STYXL2: variants seen among roughly 807,000 people sequenced by gnomAD.
STYXL2 encodes serine/threonine/tyrosine-interacting-like protein 2.
In STYXL2, 44 loss-of-function variants were observed where a neutral mutation model predicts 52.4. The ratio of observed to expected loss-of-function variants is 0.84; its 90% CI spans 0.66 to 1.08. The LOEUF (loss-of-function observed/expected upper bound fraction) is 1.08, where lower values mean the gene tolerates loss of function less well. Ranked by LOEUF, STYXL2 falls within the 50% of genes least tolerant of loss-of-function variation. The pLI, the probability that STYXL2 is intolerant of heterozygous loss-of-function variation, is 0.00. For synonymous variants in STYXL2, 604 were observed against 586.9 expected, an observed-to-expected ratio of 1.03 and a Z score of -0.42; for missense variants, 1,604 against 1,471.7, an observed-to-expected ratio of 1.09 and a Z score of -1.47.
Position 167,127,534 on chromosome 1 carries a change from C to A in STYXL2, c.2403C>A (p.Cys801Ter). Residue 801 changes from cysteine (C) to a stop codon, truncating the protein, a stop_gained, in exon 6 of 6, where the codon TGC becomes TGA. Transcript: ENST00000361200. LOFTEE classifies it high-confidence loss of function. ...PSSDMQSVLS[C>*]NTTLSSPAES... ...CTGACATGCAGTCTGTGCTGTCCTG[C>A]AACACCACACTGAGCTCACCCGCGG... The A allele has an allele frequency of 6.2e-7, 1 of 1,614,098 alleles. No homozygotes were observed. Among genetic ancestry groups the A allele is most frequent in the Non-Finnish European group, 8.5e-7 (1 of 1,180,002 alleles).
Position 167,126,726 on chromosome 1 carries a change from ACTT to A in STYXL2, c.1598_1600del (p.Phe533del), listed in dbSNP as rs774314282. On this transcript the variant is annotated inframe_deletion, in exon 6 of 6. Transcript: ENST00000361200. ...GGCTCTGAGGCCAGTTCCTTCTACA[ACTT>A]CTGCAGCAGGAACAAGGACAAGCTC... 21 of 1,614,038 alleles carry A rather than the reference ACTT, an allele frequency of 1.3e-5. No individual in the cohort carries two copies. In the African/African-American group the frequency reaches 2.3e-4, roughly 17 times the overall value.
chr1:167,106,292 C>T (rs552757109), intron 2 of STYXL2, among the ~76,000 whole-genome samples: 68 of 152,222 alleles, frequency 4.5e-4, no homozygotes, highest in African/African-American at 1.5e-3. Flanking sequence ...CAGGTAAGGG[C>T]GCCTCCTGTG....
At chr1:167,111,507 TATATATAC>T (rs1231070854) in intron 2 of STYXL2, among the ~76,000 whole-genome samples, 6 of 49,942 alleles carry the variant, frequency 1.2e-4, no homozygotes, top group African/African-American at 9.5e-4. Context: ...TATATATATA[TATATATAC>T]ACACACACAC....
chr1:167,128,140 C>T lies in STYXL2; in HGVS notation c.3009C>T (p.Ser1003=). The change falls in exon 6 of 6, where the codon AGC becomes AGT. Residue 1003 remains serine (S), a synonymous_variant. Transcript: ENST00000361200. ...YHEANGNSVR[S]TSRFSSSSTR... ...AGGCAAATGGCAACTCTGTAAGAAGCACTTCACGGTTCTCATCTTCCTCCA... is the reference window on the plus strand; with the variant it reads ...AGGCAAATGGCAACTCTGTAAGAAGTACTTCACGGTTCTCATCTTCCTCCA... The T allele has an allele frequency of 6.2e-7, 1 of 1,614,198 alleles. No individual in the cohort carries two copies. The highest frequency in any genetic ancestry group is 1.1e-5 in the South Asian group (1 of 91,082).
At chr1:167,099,732 A>G (rs1667362978) in intron 2 of STYXL2, among the ~76,000 whole-genome samples, 1 of 152,244 alleles carries the variant, frequency 6.6e-6, no homozygotes, top group South Asian at 2.1e-4. Context: ...CTAAAGCTAA[A>G]CATATGGTTG....
intron 2 of STYXL2, among the ~76,000 whole-genome samples, chr1:167,105,755 CT>C (rs1402279425): frequency 1.1e-4 from 17 of 152,344 alleles, no homozygotes; most frequent in East Asian, 3.9e-4. Context: ...ACATCTCCCC[CT>C]CATGGCGGCT....
intron 4 of STYXL2, among the ~76,000 whole-genome samples, chr1:167,117,924 C>G (rs925278358): frequency 6.6e-6 from 1 of 152,176 alleles, no homozygotes; most frequent in African/African-American, 2.4e-5. Flanking sequence ...TACTGACATG[C>G]ATATGTAATT....
chr1:167,110,106 G>A (rs4656521), intron 2 of STYXL2, among the ~76,000 whole-genome samples: 68,732 of 151,904 alleles, frequency 0.45, 17,612 homozygotes, highest in East Asian at 0.89. Context: ...CTGGGTGGCT[G>A]GACCCAGAAG....
At chr1:167,123,783 C>T (rs1667905856) in intron 5 of STYXL2, among the ~76,000 whole-genome samples, 1 of 152,122 alleles carries the variant, frequency 6.6e-6, no homozygotes, top group Non-Finnish European at 1.5e-5. Context: ...TCCACCACGC[C>T]CAGCTAATTT....
At position 167,127,563 on chromosome 1, in the gene STYXL2, G is replaced by T; in HGVS notation, c.2432G>T (p.Ser811Ile). Residue 811 changes from serine to isoleucine, a missense_variant, in exon 6 of 6, where the codon AGT becomes ATT. By Grantham distance (142) the Ser-to-Ile change is moderately radical. Transcript: ENST00000361200. ...CNTTLSSPAE[S>I]CRSKVRGTSK... Reference sequence around the variant, plus strand: ...ACCACACTGAGCTCACCCGCGGAAAGTTGCAGAAGCAAAGTGAGGGGGACC... The same window carrying T: ...ACCACACTGAGCTCACCCGCGGAAATTTGCAGAAGCAAAGTGAGGGGGACC... 1 of 1,614,132 alleles carries T rather than the reference G, an allele frequency of 6.2e-7. No individual in the cohort carries two copies. The highest frequency in any genetic ancestry group is 1.1e-5 in the South Asian group (1 of 91,070).
At chr1:167,116,628 A>C (rs897809526) in intron 3 of STYXL2, among the ~76,000 whole-genome samples, 2 of 150,732 alleles carry the variant, frequency 1.3e-5, no homozygotes, top group African/African-American at 4.9e-5. Flanking sequence ...CATTTGGTAA[A>C]TACTTCTACT....
At chr1:167,094,685 G>C (rs1667243203) in intron 1 of STYXL2, 149 bp from the exon 2 acceptor site, 1 of 617,314 alleles carries the variant, frequency 1.6e-6, no homozygotes, top group Non-Finnish European at 2.9e-6. Context: ...GCTGGGCCAG[G>C]TCTGACTGGA....
At chr1:167,119,671 T>C (rs1667810801) in intron 5 of STYXL2, among the ~76,000 whole-genome samples, 1 of 152,190 alleles carries the variant, frequency 6.6e-6, no homozygotes, top group Non-Finnish European at 1.5e-5. Flanking sequence ...ACTACTATTC[T>C]AGGCACTGTG....
Position 167,128,750 on chromosome 1 carries a change from A to G in STYXL2, c.*142A>G. The G allele has an allele frequency of 2.2e-6, 3 of 1,364,042 alleles. No homozygotes were observed. The highest frequency in any genetic ancestry group is 2.5e-5 in the East Asian group (1 of 39,574). The allele number at this position is 1,364,042 out of a possible 1,614,324, so 84.5% of individuals were successfully genotyped here. On this transcript the variant is annotated 3_prime_UTR_variant, in exon 6 of 6. Coordinates refer to ENST00000361200, the MANE Select transcript of STYXL2 (RefSeq NM_001080426.3). ...AGAGCCAAAATGAGAGGTACCAAGC[A>G]TAAGGGCAGCAGAGGTGGAGTAGGG...
rs201930440 is a variant in STYXL2 at position 167,127,902 on chromosome 1, G to A, written c.2771G>A (p.Gly924Asp). ...SLAVCDHYAS[G>D]SRVGKEMDSS... ...GCTGTCTGTGATCACTATGCAAGTG[G>A]CAGCAGAGTTGGCAAAGAGATGGAT... Residue 924 changes from glycine to aspartate, a missense_variant, in exon 6 of 6, where the codon GGC becomes GAC. By Grantham distance (94) the Gly-to-Asp change is moderately conservative. Coordinates refer to ENST00000361200, the MANE Select transcript of STYXL2 (RefSeq NM_001080426.3). The A allele has an allele frequency of 1.9e-6, 3 of 1,614,128 alleles. No homozygotes were observed. Among genetic ancestry groups the A allele is most frequent in the African/African-American group, 2.7e-5 (2 of 75,034 alleles).
intron 5 of STYXL2, among the ~76,000 whole-genome samples, chr1:167,125,371 G>A (rs1192686261): frequency 6.6e-6 from 1 of 152,180 alleles, no homozygotes; most frequent in Non-Finnish European, 1.5e-5. Context: ...CAGCATCAGG[G>A]ATGTTGTAAA....
In STYXL2 at chr1:167,126,012, A is replaced by G; in HGVS notation, c.881A>G (p.Glu294Gly). ...EDYGREGGSAEAEEGEGTGSM... is the reference protein window; with the variant it reads ...EDYGREGGSAGAEEGEGTGSM... Reference sequence around the variant, plus strand: ...TATGGCCGGGAGGGGGGATCAGCTGAGGCTGAGGAGGGCGAGGGCACTGGG... The same window carrying G: ...TATGGCCGGGAGGGGGGATCAGCTGGGGCTGAGGAGGGCGAGGGCACTGGG... The change falls in exon 6 of 6, where the codon GAG becomes GGG. Residue 294 changes from glutamate (E) to glycine (G), a missense_variant. By Grantham distance (98) the Glu-to-Gly change is moderately conservative (BLOSUM62 -2). Transcript: ENST00000361200. The G allele has an allele frequency of 2.5e-6, 4 of 1,605,802 alleles. No homozygotes were observed. The highest frequency in any genetic ancestry group is 3.4e-6 in the Non-Finnish European group (4 of 1,176,054).
In STYXL2 at chr1:167,128,450, AGAG is replaced by A. The variant is rs1273203471; in HGVS notation, c.3320_3322del (p.Arg1107_Glu1108delinsLys). 1 of 1,614,140 alleles carries A rather than the reference AGAG, an allele frequency of 6.2e-7. No individual in the cohort carries two copies. Among genetic ancestry groups the A allele is most frequent in the South Asian group, 1.1e-5 (1 of 91,072 alleles). Reference sequence around the variant, plus strand: ...GGGAGAGAAAGAGAGGACAGAAAACAGAGAAGAAGGGAGGTTTGCATCTGGACG... The same window carrying A: ...GGGAGAGAAAGAGAGGACAGAAAACAAAGAAGGGAGGTTTGCATCTGGACG... On this transcript the variant is annotated inframe_deletion, in exon 6 of 6. Transcript: ENST00000361200.
intron 4 of STYXL2, among the ~76,000 whole-genome samples, chr1:167,118,810 A>C (rs1298216284): frequency 6.6e-6 from 1 of 152,218 alleles, no homozygotes; most frequent in Non-Finnish European, 1.5e-5. Flanking sequence ...CTACTTCTTA[A>C]GTTTATTGTT....
Sources: allele counts gnomAD v4.1 joint callset (sites outside exome capture counted in the v4.1 genomes callset), GRCh38; gene constraint gnomAD v4.1.1; transcripts MANE v1.5; gene names NCBI Gene and HGNC (gene_info 2026-07-23, HGNC 2026-07-21).